Variants in MBD3 observed in about 807,000 individuals in gnomAD.
MBD3 encodes methyl-CpG binding domain protein 3.
A neutral mutation model predicts 31.2 loss-of-function variants in MBD3; 13 were observed. The ratio of observed to expected loss-of-function variants is 0.42; its 90% CI spans 0.27 to 0.66. The LOEUF is 0.66. Among genes scored for constraint, MBD3 ranks in the 30% least tolerant of loss-of-function variants. MBD3 has a pLI of 0.26. For missense variants in MBD3, 440 were observed against 426.5 expected, an observed-to-expected ratio of 1.03 and a Z score of -0.28; for synonymous variants, 223 against 187.4, an observed-to-expected ratio of 1.19 and a Z score of -1.55.
rs753369459 is a variant in MBD3 at position 1,585,203 on chromosome 19, T to C, written c.122A>G (p.Lys41Arg). Residue 41 changes from lysine to arginine, a missense_variant, in exon 2 of 7, where the codon AAG becomes AGG. Transcript: ENST00000434436. The surrounding 1 kb of genome is among the most constrained non-coding windows in gnomAD (Gnocchi z 4.1). ...CAGCTGCGGCTTGCTGCGGAACTTC[T>C]TCCCGCTCGGGCTGCGGGGAGGCGG... is the stretch of plus-strand genomic sequence containing the variant. ...RDVFYYSPSG[K>R]KFRSKPQLAR... 6.3e-7 allele frequency: 1 copy of C among 1,598,646 alleles called. No individual in the cohort carries two copies. Among genetic ancestry groups the C allele is most frequent in the Non-Finnish European group, 8.5e-7 (1 of 1,177,304 alleles).
chr19:1,578,305 C>G lies in MBD3; in HGVS notation c.*5+30G>C. ...GGCAGTCCCCACTGCCAGGACCCGA[C>G]TCCAGGGAGCCCCCGTGGCCCCGCA... On this transcript the variant is annotated intron_variant, in intron 6 of 6. Coordinates refer to ENST00000434436, the MANE Select transcript of MBD3 (RefSeq NM_001281453.2). The surrounding 1 kb of genome is among the most constrained non-coding windows in gnomAD (Gnocchi z 6.1). 6.3e-7 allele frequency: 1 copy of G among 1,599,962 alleles called. No homozygotes were observed. Among genetic ancestry groups the G allele is most frequent in the Non-Finnish European group, 8.5e-7 (1 of 1,179,604 alleles).
At chr19:1,582,177 T>C (rs1205695297) in intron 4 of MBD3, among the ~76,000 whole-genome samples, 1 of 151,898 alleles carries the variant, frequency 6.6e-6, no homozygotes, top group Non-Finnish European at 1.5e-5. Context: ...GCTGGGATTA[T>C]AGGTGTGAGC....
Position 1,576,155 on chromosome 19 carries a change from G to T in MBD3, c.*2009C>A, listed in dbSNP as rs560667690. ...ACCAAGGGAGACAGGGACACAGTGGGAGATGGGAAGAGGGAAACAGAGTGT... is the reference window on the plus strand; with the variant it reads ...ACCAAGGGAGACAGGGACACAGTGGTAGATGGGAAGAGGGAAACAGAGTGT... On this transcript the variant is annotated 3_prime_UTR_variant, in exon 7 of 7. Coordinates refer to ENST00000434436, the MANE Select transcript of MBD3 (RefSeq NM_001281453.2). The T allele has an allele frequency of 4.5e-4, 69 of 152,676 alleles. No homozygotes were observed. Among genetic ancestry groups the T allele is most frequent in the African/African-American group, 1.6e-3 (65 of 41,572 alleles). 9.5% of individuals were successfully genotyped at this position (152,676 alleles called of 1,614,324 possible). A position where few individuals can be genotyped will look rare whatever the true frequency, so the allele number is the denominator to read the frequency against.
chr19:1,581,348 C>T, intron 4 of MBD3, 79 bp from the exon 5 acceptor site: 1 of 1,454,362 alleles, frequency 6.9e-7, no homozygotes, highest in Non-Finnish European at 9.4e-7. Flanking sequence ...CACGGAAATG[C>T]CCCAAGAATG....
chr19:1,578,241 G>T lies in MBD3; in HGVS notation c.*6-83C>A. 1 of 1,566,514 alleles carries T rather than the reference G, an allele frequency of 6.4e-7. No homozygotes were observed. The highest frequency in any genetic ancestry group is 8.7e-7 in the Non-Finnish European group (1 of 1,154,972). On this transcript the variant is annotated intron_variant, in intron 6 of 6. Coordinates refer to ENST00000434436, the MANE Select transcript of MBD3 (RefSeq NM_001281453.2). This position sits in a 1 kb window ranked among gnomAD's most constrained non-coding sequence, Gnocchi z 6.1. Reference sequence around the variant, plus strand: ...TCTTCTAGGGAGATGGGAAGCTCTTGGGAGGCACCCGTCATCCCAAGCACA... The same window carrying T: ...TCTTCTAGGGAGATGGGAAGCTCTTTGGAGGCACCCGTCATCCCAAGCACA...
chr19:1,583,752 AC>A (rs1447865467), intron 3 of MBD3, among the ~76,000 whole-genome samples: 1 of 152,136 alleles, frequency 6.6e-6, no homozygotes, highest in Non-Finnish European at 1.5e-5. Context: ...AAGCATCCAC[AC>A]CTCATGAGCA....
At chr19:1,580,619 C>T (rs569579784) in intron 5 of MBD3, among the ~76,000 whole-genome samples, 2 of 152,352 alleles carry the variant, frequency 1.3e-5, no homozygotes, top group East Asian at 1.9e-4. Flanking sequence ...CCTGAGGCCC[C>T]GCAGGAGGGC....
Position 1,592,541 on chromosome 19 carries a change from T to C in MBD3, c.91A>G (p.Arg31Gly), listed in dbSNP as rs1439262539. 7 of 1,435,098 alleles carry C rather than the reference T, an allele frequency of 4.9e-6. No homozygotes were observed. Among genetic ancestry groups the C allele is most frequent in the Non-Finnish European group, 6.5e-6 (7 of 1,070,872 alleles). The allele number at this position is 1,435,098 out of a possible 1,614,324, so 88.9% of individuals were successfully genotyped here. A position where few individuals can be genotyped will look rare whatever the true frequency, so the allele number is the denominator to read the frequency against. ...PRRSGLSAGHRDVFYYSPSGK... is the reference protein window; with the variant it reads ...PRRSGLSAGHGDVFYYSPSGK... ...ATTCACCTATAGTAAAAGACATCCC[T>C]GTGGCCGGCCGACAGCCCCGACCTT... Residue 31 changes from arginine (R) to glycine (G), a missense_variant, in exon 1 of 7, where the codon AGG becomes GGG. This residue lies in a region of MBD3 where 179 missense variants were observed against 134.7 expected (regional missense o/e 1.33). Transcript: ENST00000434436.
chr19:1,581,850 C>T (rs942526645), intron 4 of MBD3: 1 of 160,528 alleles, frequency 6.2e-6, no homozygotes, highest in African/African-American at 2.4e-5. Context: ...TCACTGTAAG[C>T]TCCGCCTGCC....
intron 1 of MBD3, among the ~76,000 whole-genome samples, chr19:1,589,157 C>T (rs1051841918): frequency 6.6e-6 from 1 of 151,508 alleles, no homozygotes; most frequent in Non-Finnish European, 1.5e-5. Flanking sequence ...CATGGTGAAA[C>T]CCCATCTCGA....
chr19:1,585,089 T>C lies in MBD3; in HGVS notation c.236A>G (p.Gln79Arg), dbSNP rs138922555. Residue 79 changes from glutamine (Q) to arginine (R), a missense_variant, in exon 2 of 7, where the codon CAG becomes CGG. Transcript: ENST00000434436. This position sits in a 1 kb window ranked among gnomAD's most constrained non-coding sequence, Gnocchi z 4.1. Reference protein sequence around the residue: ...MLMSKMNKSRQRVRYDSSNQV... With the variant: ...MLMSKMNKSRRRVRYDSSNQV... ...GTTGGAGGAGTCGTAGCGCACGCGC[T>C]GGCGGCTCTTGTTCATCTTGCTCAT... 1 of 1,612,600 alleles carries C rather than the reference T, an allele frequency of 6.2e-7. No individual in the cohort carries two copies. The highest frequency in any genetic ancestry group is 8.5e-7 in the Non-Finnish European group (1 of 1,179,456).
chr19:1,581,801 CCT>C (rs1244895904), intron 4 of MBD3: 2 of 192,726 alleles, frequency 1.0e-5, no homozygotes, highest in Non-Finnish European at 2.1e-5. Context: ...ACGGAGTCTC[CCT>C]CTGTTGCCCA....
chr19:1,584,710 GGGCGCCCC>G, intron 2 of MBD3, 33 bp from the exon 3 acceptor site: 2 of 1,601,040 alleles, frequency 1.2e-6, no homozygotes, highest in Non-Finnish European at 1.7e-6. Flanking sequence ...TCCGGCCTGG[GGGCGCCCC>G]GGCGGCGCGG....
rs369581342 is a variant in MBD3 at position 1,578,369 on chromosome 19, C to A, written c.847G>T (p.Asp283Tyr). 3 of 1,604,108 alleles carry A rather than the reference C, an allele frequency of 1.9e-6. No homozygotes were observed. In the East Asian group the frequency reaches 6.7e-5, roughly 36 times the overall value. Residue 283 changes from aspartate (D) to tyrosine (Y), a missense_variant, in exon 6 of 7, where the codon GAC (aspartate) becomes TAC (tyrosine). Physicochemically the swap from Asp to Tyr is radical, Grantham distance 160. Coordinates refer to ENST00000434436, the MANE Select transcript of MBD3 (RefSeq NM_001281453.2). The surrounding 1 kb of genome is among the most constrained non-coding windows in gnomAD (Gnocchi z 6.1). ...ACGTGCTCCATCTCCGGGTCCGGGT[C>A]GGGCTCCTCCTCCTCCTCCTCCTCG... is the stretch of plus-strand genomic sequence containing the variant. ...EDEEEEEEEP[D>Y]PDPEMEHV
chr19:1,577,969 G>A lies in MBD3; in HGVS notation c.*195C>T, dbSNP rs937985704. The A allele has an allele frequency of 7.3e-5, 28 of 383,408 alleles. No homozygotes were observed. The East Asian group carries it at 9.6e-4, about 13-fold the overall frequency. 23.8% of individuals were successfully genotyped at this position (383,408 alleles called of 1,614,324 possible). A position where few individuals can be genotyped will look rare whatever the true frequency, so the allele number is the denominator to read the frequency against. On this transcript the variant is annotated 3_prime_UTR_variant, in exon 7 of 7. Transcript: ENST00000434436. ...AGGACGAGCGTGGAGGGTCTTTCGG[G>A]TGGGGGCAGCCCCAGCTGTGTGCCC...
chr19:1,582,521 G>A (rs1322936559), intron 4 of MBD3, 101 bp downstream of exon 4: 2 of 1,158,692 alleles, frequency 1.7e-6, no homozygotes, highest in East Asian at 5.1e-5. Context: ...AGCACCCAAA[G>A]CAGGAACAGC....
At chr19:1,580,899 C>T (rs1454475176) in intron 5 of MBD3, among the ~76,000 whole-genome samples, 193 bp downstream of exon 5, 1 of 152,216 alleles carries the variant, frequency 6.6e-6, no homozygotes, top group Non-Finnish European at 1.5e-5. Context: ...GCCTGGCTCG[C>T]CCTGAACCCA....
In MBD3 at chr19:1,576,121, C is replaced by T. The variant is rs890226465; in HGVS notation, c.*2043G>A. 6.6e-6 allele frequency: 1 copy of T among 152,446 alleles called. No individual in the cohort carries two copies. Among genetic ancestry groups the T allele is most frequent in the African/African-American group, 2.4e-5 (1 of 41,428 alleles). The allele number at this position is 152,446 out of a possible 1,614,324, so 9.4% of individuals were successfully genotyped here. On this transcript the variant is annotated 3_prime_UTR_variant, in exon 7 of 7. Coordinates refer to ENST00000434436, the MANE Select transcript of MBD3 (RefSeq NM_001281453.2). ...AGATAGAGACAGGGATAGACAGAGA[C>T]AGAGAGAGACCAAGGGAGACAGGGA...
rs1456393296 is a variant in MBD3 at position 1,573,641 on chromosome 19, A to G, written c.*4523T>C. On this transcript the variant is annotated 3_prime_UTR_variant, in exon 7 of 7. Transcript: ENST00000434436. ...TTGCTTGTAAATTACATCTCAAAAA[A>G]CCCACTTCACACACGTTAACTGGAA... 6.6e-6 allele frequency: 1 copy of G among 152,196 alleles called. No individual in the cohort carries two copies. Among genetic ancestry groups the G allele is most frequent in the Non-Finnish European group, 1.5e-5 (1 of 68,034 alleles). 9.4% of individuals were successfully genotyped at this position (152,196 alleles called of 1,614,324 possible). A position where few individuals can be genotyped will look rare whatever the true frequency, so the allele number is the denominator to read the frequency against.
Sources: allele counts gnomAD v4.1 joint callset (sites outside exome capture counted in the v4.1 genomes callset), GRCh38; gene constraint gnomAD v4.1.1; regional missense constraint gnomAD v4.1.1; non-coding constraint Gnocchi (gnomAD v3.1); transcripts MANE v1.5; gene names NCBI Gene and HGNC (gene_info 2026-07-23, HGNC 2026-07-21).